NCAM1: variants seen among roughly 807,000 people sequenced by gnomAD.
NCAM1 encodes the protein neural cell adhesion molecule 1.
NCAM1 carries 14 observed loss-of-function variants against 109.8 expected under a neutral mutation model. The ratio of observed to expected loss-of-function variants is 0.13; its 90% CI spans 0.08 to 0.20. The LOEUF is 0.20. Among genes scored for constraint, NCAM1 ranks in the 10% least tolerant of loss-of-function variants. NCAM1 has a pLI of 1.00. For synonymous variants in NCAM1, 418 were observed against 442.9 expected (o/e 0.94, Z 0.70); for missense variants, 774 against 1,109.9 (o/e 0.70, Z 4.30).
intron 1 of NCAM1, among the ~76,000 whole-genome samples, chr11:113,080,793 C>T (rs188343090): frequency 6.6e-6 from 1 of 152,258 alleles, no homozygotes; most frequent in Non-Finnish European, 1.5e-5. Flanking sequence ...TGAAGGGCTC[C>T]TGAGTGCCAA....
At chr11:113,185,079 TAGAGAG>T (rs782462491) in intron 1 of NCAM1, among the ~76,000 whole-genome samples, 53 of 125,746 alleles carry the variant, frequency 4.2e-4, no homozygotes, top group South Asian at 3.3e-3. Flanking sequence ...TATATATATA[TAGAGAG>T]AGAGAGAGAG....
chr11:112,974,927 T>G (rs1950969003), intron 1 of NCAM1, among the ~76,000 whole-genome samples: 1 of 151,998 alleles, frequency 6.6e-6, no homozygotes, highest in African/African-American at 2.4e-5. Context: ...CCTATCTCCT[T>G]CAGGGTTTCT....
intron 1 of NCAM1, among the ~76,000 whole-genome samples, chr11:113,183,944 G>A (rs1187405778): frequency 3.9e-5 from 6 of 152,192 alleles, no homozygotes; most frequent in Non-Finnish European, 8.8e-5. Context: ...TTTTCTACAT[G>A]TAGGCAATGT....
intron 1 of NCAM1, among the ~76,000 whole-genome samples, chr11:113,061,307 C>T (rs1555083413): frequency 6.6e-6 from 1 of 152,140 alleles, no homozygotes; most frequent in East Asian, 1.9e-4. Context: ...ACTGACCAGC[C>T]TCCTTTGTAG....
chr11:113,216,469 A>T (rs1216659461), intron 8 of NCAM1, among the ~76,000 whole-genome samples: 1 of 152,074 alleles, frequency 6.6e-6, no homozygotes, highest in Non-Finnish European at 1.5e-5. Context: ...TTTTTATAGA[A>T]TGAGAATAAT....
At position 113,092,038 on chromosome 11, in the gene NCAM1, C is replaced by T. The variant is rs181614639; in HGVS notation, c.53-110341C>T. Among the ~76,000 whole-genome samples, 74 of 151,704 alleles carry T rather than the reference C, an allele frequency of 4.9e-4. 1 individual carries two copies. The highest frequency in any genetic ancestry group is 3.4e-3 in the Middle Eastern group (1 of 292). Reference sequence around the variant, plus strand: ...GCAGCAAGATTTATTTCCACCCCATCCACCAGTTTTCTGGGACAGCCTTCC... The same window carrying T: ...GCAGCAAGATTTATTTCCACCCCATTCACCAGTTTTCTGGGACAGCCTTCC... On this transcript the variant is annotated intron_variant, in intron 1 of 19. Transcript: ENST00000316851.
At chr11:113,247,757 TA>T (rs2137466387) in intron 15 of NCAM1, among the ~76,000 whole-genome samples, 1 of 152,350 alleles carries the variant, frequency 6.6e-6, no homozygotes, top group Non-Finnish European at 1.5e-5. Flanking sequence ...GGCTTACCTT[TA>T]AAAATCATCT....
chr11:113,100,641 T>G (rs114614982), intron 1 of NCAM1, among the ~76,000 whole-genome samples: 5 of 152,110 alleles, frequency 3.3e-5, no homozygotes, highest in Non-Finnish European at 7.4e-5. Flanking sequence ...CTCTTTGACA[T>G]TCAATTGTTT....
intron 1 of NCAM1, among the ~76,000 whole-genome samples, chr11:113,024,724 G>T (rs1952486776): frequency 1.3e-5 from 2 of 152,090 alleles, no homozygotes; most frequent in Admixed American, 1.3e-4. Flanking sequence ...CTGAAGCCAG[G>T]GGTAATTTGC....
At chr11:113,190,105 C>T (rs142473335) in intron 1 of NCAM1, among the ~76,000 whole-genome samples, 395 of 152,274 alleles carry the variant, frequency 2.6e-3, no homozygotes, top group African/African-American at 9.1e-3. Flanking sequence ...CAACTGACTC[C>T]ACCTAAATCT....
chr11:113,090,486 A>T (rs565301894), intron 1 of NCAM1, among the ~76,000 whole-genome samples: 160 of 152,308 alleles, frequency 1.1e-3, no homozygotes, highest in Non-Finnish European at 1.9e-3. Flanking sequence ...CTTGTAGGGG[A>T]TATATGCAAC....
intron 1 of NCAM1, among the ~76,000 whole-genome samples, chr11:113,108,864 C>T (rs1940299883): frequency 6.6e-6 from 1 of 150,714 alleles, no homozygotes; most frequent in South Asian, 2.1e-4. Flanking sequence ...CAACCTCCGC[C>T]TCCCAGATTC....
At chr11:113,036,938 A>G (rs1480976098) in intron 1 of NCAM1, among the ~76,000 whole-genome samples, 1 of 152,074 alleles carries the variant, frequency 6.6e-6, no homozygotes, top group East Asian at 1.9e-4. Flanking sequence ...GTGGGCATTC[A>G]TCTCAGTTCA....
At chr11:113,039,543 C>A (rs1953003347) in intron 1 of NCAM1, among the ~76,000 whole-genome samples, 1 of 152,180 alleles carries the variant, frequency 6.6e-6, no homozygotes, top group African/African-American at 2.4e-5. Context: ...AACCAAAAAG[C>A]AGACCAATTA....
chr11:113,115,697 T>G (rs1940667877), intron 1 of NCAM1, among the ~76,000 whole-genome samples: 1 of 152,232 alleles, frequency 6.6e-6, no homozygotes, highest in Non-Finnish European at 1.5e-5. Flanking sequence ...TTGGATCTCC[T>G]TCTTCCACTC....
chr11:113,208,414 ATGCAAAGT>A (rs1944300230), intron 7 of NCAM1, among the ~76,000 whole-genome samples: 1 of 152,038 alleles, frequency 6.6e-6, no homozygotes, highest in Non-Finnish European at 1.5e-5. Flanking sequence ...TTTGCTGCAC[ATGCAAAGT>A]TCTCCAACCA....
At chr11:112,961,834 C>T (rs1950571932) in intron 1 of NCAM1, among the ~76,000 whole-genome samples, 170 bp downstream of exon 1, 1 of 152,178 alleles carries the variant, frequency 6.6e-6, no homozygotes, top group South Asian at 2.1e-4. Flanking sequence ...CCGAACCCCG[C>T]TCCCTCCAGG....
chr11:113,047,610 T>C (rs782288477), intron 1 of NCAM1, among the ~76,000 whole-genome samples: 64 of 152,262 alleles, frequency 4.2e-4, no homozygotes, highest in Non-Finnish European at 8.8e-5. Flanking sequence ...TCTGTTTTGG[T>C]CTATTCTCAC....
intron 1 of NCAM1, among the ~76,000 whole-genome samples, chr11:113,156,329 A>G (rs563277752): frequency 6.6e-6 from 1 of 152,292 alleles, no homozygotes; most frequent in South Asian, 2.1e-4. Flanking sequence ...CAGCCCATTG[A>G]GATAAGATGT....
Sources: gnomAD v4.1 joint callset for allele counts (sites outside exome capture counted in the v4.1 genomes callset) on GRCh38, gnomAD v4.1.1 for gene constraint, MANE v1.5 for transcripts, NCBI Gene and HGNC (gene_info 2026-07-23, HGNC 2026-07-21) for gene names.